Variants in DMD observed in about 807,000 individuals in gnomAD.
DMD encodes the protein dystrophin.
DMD carries 63 observed loss-of-function variants against 330.1 expected under a neutral mutation model. The observed-to-expected ratio is 0.19, with a 90% confidence interval of 0.16 to 0.24. The LOEUF (loss-of-function observed/expected upper bound fraction) is 0.24, where lower values mean the gene tolerates loss of function less well. Ranked by LOEUF, DMD falls within the 10% of genes least tolerant of loss-of-function variation. DMD has a pLI of 1.00. For synonymous variants in DMD, 1,223 were observed against 959.8 expected (o/e 1.27, Z -5.07); for missense variants, 3,344 against 2,684.1 (o/e 1.25, Z -5.43).
chrX:31,525,328 C>T (rs750766428), intron 55 of DMD, among the ~76,000 whole-genome samples: 20 of 111,823 alleles, frequency 1.8e-4, no homozygotes, highest in Non-Finnish European at 3.2e-4. Flanking sequence ...CATGGAGACT[C>T]AATATGCCAT....
At chrX:31,613,370 T>G (rs1027082872) in intron 55 of DMD, among the ~76,000 whole-genome samples, 1 of 111,318 alleles carries the variant, frequency 9.0e-6, no homozygotes, top group Non-Finnish European at 1.9e-5. Flanking sequence ...AAGCCCAAAC[T>G]GCTCCATGGA....
At chrX:32,955,862 T>C (rs1328053658) in intron 2 of DMD, among the ~76,000 whole-genome samples, 6 of 111,882 alleles carry the variant, frequency 5.4e-5, no homozygotes, top group African/African-American at 1.6e-4. Context: ...TGTGCAGTCT[T>C]ATTTCTTGGT....
intron 19 of DMD, among the ~76,000 whole-genome samples, chrX:32,501,431 C>A (rs1276909501): frequency 9.0e-6 from 1 of 111,522 alleles, no homozygotes; most frequent in Non-Finnish European, 1.9e-5. Flanking sequence ...TATAACATGA[C>A]TGTTAATGTT....
intron 4 of DMD, among the ~76,000 whole-genome samples, chrX:32,834,454 C>G (rs1484604952): frequency 1.8e-5 from 2 of 111,467 alleles, no homozygotes; most frequent in Non-Finnish European, 3.8e-5. Flanking sequence ...ATTTTAGAAT[C>G]CTCTTTATCT....
At chrX:32,468,841 T>C (rs2040326633) in intron 22 of DMD, 131 bp from the exon 23 acceptor site, 1 of 535,456 alleles carries the variant, frequency 1.9e-6, no homozygotes, top group Admixed American at 3.6e-5. Context: ...TTCTATCAGT[T>C]ATAAACTTCT....
intron 6 of DMD, among the ~76,000 whole-genome samples, chrX:32,815,692 GA>G (rs751770545): frequency 2.8e-5 from 3 of 108,383 alleles, no homozygotes; most frequent in East Asian, 5.8e-4. Context: ...CTTTACACAA[GA>G]AAAGCAAAAA....
intron 50 of DMD, among the ~76,000 whole-genome samples, chrX:31,814,302 A>T (rs1433832083): frequency 9.3e-6 from 1 of 107,251 alleles, no homozygotes; most frequent in Non-Finnish European, 1.9e-5. Flanking sequence ...TAACACAGTG[A>T]AACCCCGTCT....
intron 64 of DMD, among the ~76,000 whole-genome samples, chrX:31,214,930 C>CTTTTTTTT (rs1302015325): frequency 3.0e-4 from 14 of 46,132 alleles, no homozygotes; most frequent in Admixed American, 6.2e-4. Flanking sequence ...TTTTTTATTT[C>CTTTTTTTT]TTTTTTCTTT....
At chrX:32,435,272 T>TTAAATATATATATATATA (rs2098255810) in intron 29 of DMD, among the ~76,000 whole-genome samples, 1 of 45,957 alleles carries the variant, frequency 2.2e-5, no homozygotes, top group Non-Finnish European at 3.9e-5. Context: ...TAATATATAC[T>TTAAATATATATATATATA]TACATATATA....
chrX:33,047,520 T>A (rs979982896), intron 1 of DMD, among the ~76,000 whole-genome samples: 3 of 111,166 alleles, frequency 2.7e-5, no homozygotes, highest in Non-Finnish European at 5.7e-5. Flanking sequence ...AAAAAGCTTA[T>A]GCACACCTAC....
At chrX:32,982,270 C>T (rs1431676909) in intron 2 of DMD, among the ~76,000 whole-genome samples, 1 of 111,481 alleles carries the variant, frequency 9.0e-6, no homozygotes, top group Non-Finnish European at 1.9e-5. Context: ...AGCCTTTGCT[C>T]ATCCATTCCA....
In DMD at chrX:33,268,849, C is replaced by A. The variant is rs1328981440; in HGVS notation, c.7+70410G>T. On this transcript the variant is annotated intron_variant, in intron 1 of 17. Coordinates refer to the DMD transcript ENST00000288447. ...GGCTGCAGCATGAGAATCATTTGAA[C>A]CCAGGAGGTTGAGGTGCAGTGAGCC... 2.8e-5 allele frequency among the ~76,000 whole-genome samples: 3 copies of A among 106,076 alleles called. No homozygotes were observed. The Admixed American group carries it at 3.1e-4, about 11-fold the overall frequency. The allele number at this position is 106,076 out of a possible 115,157, so 92.1% of individuals were successfully genotyped here.
At chrX:31,180,643 G>A (rs1286414602) in intron 68 of DMD, among the ~76,000 whole-genome samples, 162 bp from the exon 69 acceptor site, 4 of 111,381 alleles carry the variant, frequency 3.6e-5, no homozygotes, top group Admixed American at 1.9e-4. Flanking sequence ...AGATTTTTCC[G>A]GTGCCTCTCC....
At chrX:32,089,757 G>A (rs1490055184) in intron 44 of DMD, among the ~76,000 whole-genome samples, 3 of 111,854 alleles carry the variant, frequency 2.7e-5, no homozygotes, top group Non-Finnish European at 3.8e-5. Flanking sequence ...CATACACAAC[G>A]TGCATATGTC....
intron 41 of DMD, among the ~76,000 whole-genome samples, chrX:32,317,379 A>G (rs5971620): frequency 0.53 from 58,889 of 110,124 alleles, 12,520 homozygotes; most frequent in South Asian, 0.79. Context: ...TCTAAACTTA[A>G]AGTCAAAACA....
At chrX:32,576,891 A>C (rs1218673657) in intron 13 of DMD, among the ~76,000 whole-genome samples, 1 of 111,608 alleles carries the variant, frequency 9.0e-6, no homozygotes, top group Non-Finnish European at 1.9e-5. Context: ...GTTACAGTTA[A>C]TGACAGCCAT....
chrX:32,670,929 A>ATG (rs374891414), intron 9 of DMD, among the ~76,000 whole-genome samples: 1,290 of 109,175 alleles, frequency 0.012, 25 homozygotes, highest in African/African-American at 0.04. Flanking sequence ...AACAGTGAGG[A>ATG]TGTGTGTGTG....
At chrX:31,369,981 C>A in intron 60 of DMD, among the ~76,000 whole-genome samples, 1 of 109,135 alleles carries the variant, frequency 9.2e-6, no homozygotes, top group East Asian at 2.9e-4. Context: ...GGCCTGTAGT[C>A]CCAGCTACTC....
chrX:31,432,531 T>C (rs1189684116), intron 60 of DMD, among the ~76,000 whole-genome samples: 1 of 112,557 alleles, frequency 8.9e-6, no homozygotes, highest in Admixed American at 9.4e-5. Flanking sequence ...CCTTATCTCA[T>C]TGCTTCACAT....
Sources: gnomAD v4.1 joint callset for allele counts (sites outside exome capture counted in the v4.1 genomes callset) on GRCh38, gnomAD v4.1.1 for gene constraint, MANE v1.5 for transcripts, NCBI Gene and HGNC (gene_info 2026-07-23, HGNC 2026-07-21) for gene names.